The following MAST1 variants were observed in gnomAD, a reference collection of about 807,000 sequenced individuals.
MAST1 encodes microtubule associated serine/threonine kinase 1, also known as microtubule-associated serine/threonine-protein kinase 1.
A neutral mutation model predicts 124.6 loss-of-function variants in MAST1; 40 were observed. The observed-to-expected ratio is 0.32, with a 90% CI of 0.25 to 0.42. The LOEUF (loss-of-function observed/expected upper bound fraction) is 0.42, where lower values mean the gene tolerates loss of function less well. MAST1 is among the 10% of genes least tolerant of loss of function. The probability of loss-of-function intolerance (pLI) is 1.00; values close to 1 mark genes in which losing one functional copy is unlikely to be tolerated. For synonymous variants in MAST1, 938 were observed against 939.4 expected (o/e 1.00, Z 0.03); for missense variants, 1,558 against 2,181.9 (o/e 0.71, Z 5.70).
chr19:12,845,563 G>A (rs964701453), intron 4 of MAST1, among the ~76,000 whole-genome samples: 2 of 151,616 alleles, frequency 1.3e-5, no homozygotes, highest in African/African-American at 4.9e-5. Flanking sequence ...CAGCCTGGGG[G>A]AGAGAGAAAC....
Position 12,838,655 on chromosome 19 carries a change from G to A in MAST1, c.83G>A (p.Ser28Asn). 6.2e-7 allele frequency: 1 copy of A among 1,608,838 alleles called. No individual in the cohort carries two copies. The highest frequency in any genetic ancestry group is 1.1e-5 in the South Asian group (1 of 90,382). Residue 28 changes from serine (S) to asparagine (N), a missense_variant and splice_region_variant, in exon 1 of 26, where the codon AGC (serine) becomes AAC (asparagine). Ser to Asn is a conservative substitution (Grantham distance 46). Transcript: ENST00000251472. This position sits in a 1 kb window ranked among gnomAD's most constrained non-coding sequence, Gnocchi z 4.3. ...PGGSMFRRTK[S>N]CRTSNRKSLI... ...GGCAGTATGTTCCGCCGCACCAAGA[G>A]GTAGACCCCCGATCCCCTAGACATT... is the stretch of plus-strand genomic sequence containing the variant.
chr19:12,869,502 C>T (rs1970204725), intron 22 of MAST1, among the ~76,000 whole-genome samples: 1 of 152,078 alleles, frequency 6.6e-6, no homozygotes, highest in Non-Finnish European at 1.5e-5. Context: ...GGCAGGATCT[C>T]GGCTCACTGC....
intron 3 of MAST1, among the ~76,000 whole-genome samples, chr19:12,842,483 G>A (rs1969842628): frequency 6.6e-6 from 1 of 151,974 alleles, no homozygotes; most frequent in African/African-American, 2.4e-5. Flanking sequence ...AGTAGAGATG[G>A]GGTTTCACCA....
chr19:12,844,570 G>A (rs574684962), intron 4 of MAST1, among the ~76,000 whole-genome samples: 5 of 152,276 alleles, frequency 3.3e-5, no homozygotes, highest in Admixed American at 3.3e-4. Context: ...GCTTCCTGGA[G>A]GAGGTGACAT....
Position 12,841,014 on chromosome 19 carries a change from C to T in MAST1, c.196C>T (p.Arg66Ter). The change falls in exon 3 of 26, where the codon CGA (arginine) becomes TGA (stop). Residue 66 changes from arginine (R) to a stop codon, truncating the protein, a stop_gained. Coordinates refer to ENST00000251472, the MANE Select transcript of MAST1 (RefSeq NM_014975.3). LOFTEE classifies it high-confidence loss of function. This position sits in a 1 kb window ranked among gnomAD's most constrained non-coding sequence, Gnocchi z 4.3. ...AGGCAGCAGTCCCCTGGACAGCCCC[C>T]GAAACTTCTCCCCCAACACCCCCGC... ...HLGSSPLDSP[R>*]NFSPNTPAHF... The T allele has an allele frequency of 1.4e-6, 2 of 1,475,562 alleles. 1 individual carries two copies. The highest frequency in any genetic ancestry group is 1.9e-6 in the Non-Finnish European group (2 of 1,052,980). The allele number at this position is 1,475,562 out of a possible 1,614,324, so 91.4% of individuals were successfully genotyped here.
rs1163331331 is a variant in MAST1 at position 12,843,680 on chromosome 19, C to T, written c.327+73C>T. On this transcript the variant is annotated intron_variant, in intron 4 of 25. Transcript: ENST00000251472. The surrounding 1 kb of genome is among the most constrained non-coding windows in gnomAD (Gnocchi z 4.9). ...GGCCCTCCAGCCTGAAGACCCACAC[C>T]CAGGCCAGCAGTCCAGGCTGGGCTT... 2.2e-6 allele frequency: 3 copies of T among 1,357,140 alleles called. No homozygotes were observed. Among genetic ancestry groups the T allele is most frequent in the East Asian group, 2.4e-5 (1 of 42,256 alleles). 84.1% of individuals were successfully genotyped at this position (1,357,140 alleles called of 1,614,324 possible). A position where few individuals can be genotyped will look rare whatever the true frequency, so the allele number is the denominator to read the frequency against.
At chr19:12,860,088 G>A (rs1970061637) in intron 12 of MAST1, among the ~76,000 whole-genome samples, 1 of 151,622 alleles carries the variant, frequency 6.6e-6, no homozygotes, top group Non-Finnish European at 1.5e-5. Flanking sequence ...TTATCCATCC[G>A]TATGTCTGTT....
chr19:12,865,311 C>T lies in MAST1; in HGVS notation c.1639-5C>T. On this transcript the variant is annotated splice_region_variant and splice_polypyrimidine_tract_variant and intron_variant, in intron 14 of 25. Transcript: ENST00000251472. This position sits in a 1 kb window ranked among gnomAD's most constrained non-coding sequence, Gnocchi z 7.1. Reference sequence around the variant, plus strand: ...CTGGGGCGTGGGCTGACAGCCTGCCCCCAGGTGTGTGGGACCCCAGAGTAC... The same window carrying T: ...CTGGGGCGTGGGCTGACAGCCTGCCTCCAGGTGTGTGGGACCCCAGAGTAC... 1.3e-6 allele frequency: 2 copies of T among 1,586,446 alleles called. No individual in the cohort carries two copies. The highest frequency in any genetic ancestry group is 1.2e-5 in the South Asian group (1 of 85,626).
chr19:12,856,600 T>A (rs1461311179), intron 10 of MAST1, among the ~76,000 whole-genome samples: 3 of 152,204 alleles, frequency 2.0e-5, no homozygotes, highest in African/African-American at 7.2e-5. Context: ...CCACCACACC[T>A]GGCCTTTGCC....
rs760731638 is a variant in MAST1 at position 12,867,934 on chromosome 19, G to C, written c.2523G>C (p.Glu841Asp). The stretch of plus-strand genomic sequence containing the variant: ...TGGATGCACGGGCCCCCAAAGAGGA[G>C]ACTCAAGGGGAAGGCACCTCCAGCG... The part of the protein sequence containing the change: ...GSLDARAPKE[E>D]TQGEGTSSAG... The change falls in exon 20 of 26, where the codon GAG becomes GAC. Residue 841 changes from glutamate (E) to aspartate (D), a missense_variant. Around this residue, in one of 10 missense-constraint regions of MAST1, gnomAD observed 287 missense variants for 308.0 expected, o/e 0.93. Coordinates refer to ENST00000251472, the MANE Select transcript of MAST1 (RefSeq NM_014975.3). 1 of 1,585,862 alleles carries C rather than the reference G, an allele frequency of 6.3e-7. No individual in the cohort carries two copies.
Position 12,847,809 on chromosome 19 carries a change from C to T in MAST1, c.565-39C>T, listed in dbSNP as rs749646471. On this transcript the variant is annotated intron_variant, in intron 6 of 25. Transcript: ENST00000251472. The surrounding 1 kb of genome is among the most constrained non-coding windows in gnomAD (Gnocchi z 5.5). ...GCAGGCTCCTGGCGGCCGCAGCCTT[C>T]GGGCACAGCCCCGCGCCCCTCCTCC... 1.3e-6 allele frequency: 2 copies of T among 1,583,174 alleles called. No homozygotes were observed. Among genetic ancestry groups the T allele is most frequent in the South Asian group, 1.1e-5 (1 of 89,118 alleles).
At chr19:12,859,661 G>A (rs559420721) in intron 12 of MAST1, among the ~76,000 whole-genome samples, 2 of 151,728 alleles carry the variant, frequency 1.3e-5, no homozygotes, top group Non-Finnish European at 2.9e-5. Context: ...TAGCCAGATG[G>A]CACACTCCTA....
chr19:12,865,251 G>C lies in MAST1; in HGVS notation c.1639-65G>C. 1 of 1,587,000 alleles carries C rather than the reference G, an allele frequency of 6.3e-7. No homozygotes were observed. Among genetic ancestry groups the C allele is most frequent in the Non-Finnish European group, 8.6e-7 (1 of 1,165,606 alleles). On this transcript the variant is annotated intron_variant, in intron 14 of 25. Transcript: ENST00000251472. This position sits in a 1 kb window ranked among gnomAD's most constrained non-coding sequence, Gnocchi z 7.1. ...GACCTCGGGAACCCAGGGCCTGGTG[G>C]GGGGCACAGCTCTCCCTTGAGGGCC...
rs371774252 is a variant in MAST1 at position 12,865,525 on chromosome 19, G to A, written c.1804+44G>A. 28 of 1,539,116 alleles carry A rather than the reference G, an allele frequency of 1.8e-5. No individual in the cohort carries two copies. The highest frequency in any genetic ancestry group is 2.4e-5 in the Non-Finnish European group (27 of 1,143,108). ...TACAGGGGCAGAGTGTGGTGTGCACGGAGAGATGGACAGGCTCAGGGTTCC... is the reference window on the plus strand; with the variant it reads ...TACAGGGGCAGAGTGTGGTGTGCACAGAGAGATGGACAGGCTCAGGGTTCC... On this transcript the variant is annotated intron_variant, in intron 15 of 25. Transcript: ENST00000251472. The surrounding 1 kb of genome is among the most constrained non-coding windows in gnomAD (Gnocchi z 7.1).
In MAST1 at chr19:12,866,547, A is replaced by C. The variant is rs1970156509; in HGVS notation, c.2030-106A>C. 1.5e-5 allele frequency: 11 copies of C among 728,130 alleles called. No homozygotes were observed. Among genetic ancestry groups the C allele is most frequent in the Non-Finnish European group, 2.7e-5 (11 of 414,528 alleles). The allele number at this position is 728,130 out of a possible 1,614,324, so 45.1% of individuals were successfully genotyped here. The stretch of plus-strand genomic sequence containing the variant: ...ACTAATGAGGCAGGGGCGTGGCCTG[A>C]CCTGAAGACTTGTAAACCCGTCTTG... On this transcript the variant is annotated intron_variant, in intron 17 of 25. Transcript: ENST00000251472. This position sits in a 1 kb window ranked among gnomAD's most constrained non-coding sequence, Gnocchi z 5.2.
In MAST1 at chr19:12,856,147, A is replaced by AT. The variant is rs1970014623; in HGVS notation, c.1078-2214dup. Among the ~76,000 whole-genome samples the AT allele has an allele frequency of 7.9e-5, 12 of 152,154 alleles. No homozygotes were observed. The South Asian group carries it at 2.3e-3, about 29-fold the overall frequency. The stretch of plus-strand genomic sequence containing the variant: ...AGTTCAATATTTTTATATATCATAG[A>AT]TCTTTTTATGTAATATCTATGTAAT... On this transcript the variant is annotated intron_variant, in intron 10 of 25. Coordinates refer to ENST00000251472, the MANE Select transcript of MAST1 (RefSeq NM_014975.3).
intron 3 of MAST1, among the ~76,000 whole-genome samples, chr19:12,842,883 C>T (rs1383213177): frequency 6.6e-6 from 1 of 152,012 alleles, no homozygotes; most frequent in Admixed American, 6.6e-5. Flanking sequence ...TGGTCTTGCA[C>T]GCGTGATTGT....
In MAST1 at chr19:12,843,440, TG is replaced by T; in HGVS notation, c.249-87del. The T allele has an allele frequency of 1.0e-6, 1 of 959,858 alleles. No homozygotes were observed. Among genetic ancestry groups the T allele is most frequent in the Non-Finnish European group, 1.6e-6 (1 of 611,194 alleles). The allele number at this position is 959,858 out of a possible 1,614,324, so 59.5% of individuals were successfully genotyped here. The stretch of plus-strand genomic sequence containing the variant: ...AGATATATTCCCCCAACCCCCACCC[TG>T]GCCCTGGCCAGTGGCTTCACCCACA... On this transcript the variant is annotated intron_variant, in intron 3 of 25. Transcript: ENST00000251472. The surrounding 1 kb of genome is among the most constrained non-coding windows in gnomAD (Gnocchi z 4.9).
chr19:12,867,785 T>C lies in MAST1; in HGVS notation c.2374T>C (p.Leu792=), dbSNP rs756146306. ...SFLEGEASPP[L]GARRRFSALL... The stretch of plus-strand genomic sequence containing the variant: ...CCTGGAGGGAGAGGCCAGTCCCCCT[T>C]TGGGCGCCCGCCGCCGTTTCTCGGC... Residue 792 remains leucine (L), a synonymous_variant, in exon 20 of 26, where the codon TTG becomes CTG. Coordinates refer to ENST00000251472, the MANE Select transcript of MAST1 (RefSeq NM_014975.3). The C allele has an allele frequency of 6.7e-5, 105 of 1,563,064 alleles. No individual in the cohort carries two copies. In the East Asian group the frequency reaches 1.6e-3, roughly 24 times the overall value.
Sources: allele counts gnomAD v4.1 joint callset (sites outside exome capture counted in the v4.1 genomes callset), GRCh38; gene constraint gnomAD v4.1.1; regional missense constraint gnomAD v4.1.1; non-coding constraint Gnocchi (gnomAD v3.1); transcripts MANE v1.5; gene names NCBI Gene and HGNC (gene_info 2026-07-23, HGNC 2026-07-21).